OXSR1: variants seen among roughly 807,000 people sequenced by gnomAD.
OXSR1 encodes the protein serine/threonine-protein kinase OSR1.
In OXSR1, 24 loss-of-function variants were observed where a neutral mutation model predicts 79.8. The observed-to-expected ratio is 0.30, with a 90% CI of 0.22 to 0.42. The LOEUF (loss-of-function observed/expected upper bound fraction) is 0.42. Ranked by LOEUF, OXSR1 falls within the 10% of genes least tolerant of loss-of-function variation. OXSR1 has a pLI of 1.00. For missense variants in OXSR1, 430 were observed against 618.4 expected (o/e 0.70, Z 3.23); for synonymous variants, 226 against 209.2 (o/e 1.08, Z -0.69).
chr3:38,214,312 C>T (rs1424947348), intron 4 of OXSR1, among the ~76,000 whole-genome samples: 3 of 151,722 alleles, frequency 2.0e-5, no homozygotes, highest in Non-Finnish European at 4.4e-5. Flanking sequence ...TTCCTGTATA[C>T]TAATAATAAT....
intron 1 of OXSR1, among the ~76,000 whole-genome samples, chr3:38,176,714 A>G (rs560386683): frequency 6.6e-6 from 1 of 152,216 alleles, no homozygotes; most frequent in Non-Finnish European, 1.5e-5. Context: ...TATCTTGCTC[A>G]TGAGAAGATT....
intron 5 of OXSR1, among the ~76,000 whole-genome samples, chr3:38,216,692 T>G (rs1311047495): frequency 6.6e-6 from 1 of 152,136 alleles, no homozygotes; most frequent in Non-Finnish European, 1.5e-5. Context: ...CCAGAATGAC[T>G]GTACCCAGGG....
At chr3:38,252,791 A>C (rs762671693) in intron 17 of OXSR1, 26 bp from the exon 18 acceptor site, 3 of 1,574,596 alleles carry the variant, frequency 1.9e-6, no homozygotes, top group Non-Finnish European at 2.6e-6. Flanking sequence ...AAATAATCAC[A>C]GTTTCTCATT....
In OXSR1 at chr3:38,165,539, C is replaced by G; in HGVS notation, c.-338C>G. 1 of 310,156 alleles carries G rather than the reference C, an allele frequency of 3.2e-6. No individual in the cohort carries two copies. The highest frequency in any genetic ancestry group is 2.2e-5 in the African/African-American group (1 of 45,036). The allele number at this position is 310,156 out of a possible 1,614,324, so 19.2% of individuals were successfully genotyped here. ...GGTGGAGGAAGAGGGGAAAGTTTGG[C>G]CCGTGCGTGGGGCTGGGGTGGAGGG... is the stretch of plus-strand genomic sequence containing the variant. On this transcript the variant is annotated 5_prime_UTR_variant, in exon 1 of 18. Transcript: ENST00000311806.
chr3:38,247,530 T>C lies in OXSR1; in HGVS notation c.1258-138T>C, dbSNP rs1703167076. 11 of 569,246 alleles carry C rather than the reference T, an allele frequency of 1.9e-5. No homozygotes were observed. The South Asian group carries it at 2.8e-4, about 14-fold the overall frequency. The allele number at this position is 569,246 out of a possible 1,614,324, so 35.3% of individuals were successfully genotyped here. A position where few individuals can be genotyped will look rare whatever the true frequency, so the allele number is the denominator to read the frequency against. On this transcript the variant is annotated intron_variant, in intron 13 of 17. Transcript: ENST00000311806. ...GTGCATGTCCTCCTCCAGCAGGGAA[T>C]GTCCTGGGGATTAGTATGACCTCAG... is the stretch of plus-strand genomic sequence containing the variant.
chr3:38,219,960 A>G (rs1702556761), intron 5 of OXSR1, among the ~76,000 whole-genome samples: 2 of 152,070 alleles, frequency 1.3e-5, no homozygotes, highest in African/African-American at 2.4e-5. Context: ...GGTGCCTGCC[A>G]CAATGCCCAG....
chr3:38,181,575 C>T (rs1410032419), intron 1 of OXSR1, among the ~76,000 whole-genome samples: 4 of 152,118 alleles, frequency 2.6e-5, no homozygotes, highest in Admixed American at 6.5e-5. Flanking sequence ...CCAAGATGGT[C>T]GCGATCTCCT....
Position 38,175,772 on chromosome 3 carries a change from C to T in OXSR1, c.71-7231C>T, listed in dbSNP as rs1701666051. On this transcript the variant is annotated intron_variant, in intron 1 of 17. Coordinates refer to ENST00000311806, the MANE Select transcript of OXSR1 (RefSeq NM_005109.3). ...CATATTTTCTGCACATTAATTTATTCTGCTGTGTGACGTAGGCTAACGTTG... is the reference window on the plus strand; with the variant it reads ...CATATTTTCTGCACATTAATTTATTTTGCTGTGTGACGTAGGCTAACGTTG... Among the ~76,000 whole-genome samples the T allele has an allele frequency of 2.0e-5, 3 of 152,198 alleles. No individual in the cohort carries two copies. In the South Asian group the frequency reaches 6.2e-4, roughly 32 times the overall value.
In OXSR1 at chr3:38,188,038, T is replaced by C. The variant is rs9654054; in HGVS notation, c.184-2693T>C. ...ACTGGTAGTTAAGGTACAAGAAGATTCCCCCTTCCCCCTTTAAAGGAATAG... is the reference window on the plus strand; with the variant it reads ...ACTGGTAGTTAAGGTACAAGAAGATCCCCCCTTCCCCCTTTAAAGGAATAG... On this transcript the variant is annotated intron_variant, in intron 2 of 17. Transcript: ENST00000311806. Among the ~76,000 whole-genome samples the C allele has an allele frequency of 6.5e-3, 996 of 152,172 alleles. 10 individuals are homozygous for C. Among genetic ancestry groups the C allele is most frequent in the African/African-American group, 0.023 (960 of 41,520 alleles).
Position 38,240,953 on chromosome 3 carries a change from A to C in OXSR1, c.1075-1790A>C, listed in dbSNP as rs1174236495. ...TATGGACGAGTGTTGGAGATGGAAA[A>C]TCATCATTTTACAATCATCGTCGCA... is the stretch of plus-strand genomic sequence containing the variant. On this transcript the variant is annotated intron_variant, in intron 11 of 17. Transcript: ENST00000311806. Among the ~76,000 whole-genome samples the C allele has an allele frequency of 3.3e-5, 5 of 152,284 alleles. No homozygotes were observed. In the East Asian group the frequency reaches 9.6e-4, roughly 29 times the overall value.
intron 10 of OXSR1, among the ~76,000 whole-genome samples, chr3:38,232,543 T>C (rs1702833102): frequency 6.6e-6 from 1 of 152,008 alleles, no homozygotes; most frequent in African/African-American, 2.4e-5. Flanking sequence ...TTGCTTGAGC[T>C]CAGGAGTTCA....
chr3:38,169,109 T>C (rs952166255), intron 1 of OXSR1, among the ~76,000 whole-genome samples: 10 of 152,224 alleles, frequency 6.6e-5, no homozygotes, highest in African/African-American at 2.2e-4. Flanking sequence ...CTAAATTTGT[T>C]GTCTTTTTGC....
At chr3:38,200,173 T>TC (rs1702138490) in intron 4 of OXSR1, among the ~76,000 whole-genome samples, 1 of 152,168 alleles carries the variant, frequency 6.6e-6, no homozygotes, top group Non-Finnish European at 1.5e-5. Flanking sequence ...CTCCTGCAAC[T>TC]CCAAGTATGG....
At chr3:38,174,583 AAAAC>A (rs754279980) in intron 1 of OXSR1, among the ~76,000 whole-genome samples, 32 of 152,196 alleles carry the variant, frequency 2.1e-4, no homozygotes, top group Non-Finnish European at 8.8e-5. Flanking sequence ...CACTGTCTCA[AAAAC>A]AAACAAACAA....
chr3:38,194,572 TAGCC>T (rs1193964839), intron 3 of OXSR1, among the ~76,000 whole-genome samples: 3 of 152,068 alleles, frequency 2.0e-5, no homozygotes, highest in African/African-American at 7.2e-5. Flanking sequence ...GAATAATAAT[TAGCC>T]AGGTGAAATG....
At chr3:38,221,144 G>A (rs756590826) in intron 5 of OXSR1, among the ~76,000 whole-genome samples, 4 of 152,154 alleles carry the variant, frequency 2.6e-5, no homozygotes, top group Non-Finnish European at 5.9e-5. Flanking sequence ...CCATGTCAAA[G>A]TGATAATTTA....
intron 4 of OXSR1, among the ~76,000 whole-genome samples, chr3:38,215,703 C>T (rs560261682): frequency 5.9e-5 from 9 of 152,180 alleles, no homozygotes; most frequent in Admixed American, 3.3e-4. Flanking sequence ...TAATTTCCAT[C>T]TTTTTGTTAC....
At chr3:38,183,288 A>T (rs919209774) in intron 2 of OXSR1, among the ~76,000 whole-genome samples, 173 bp downstream of exon 2, 7 of 152,258 alleles carry the variant, frequency 4.6e-5, no homozygotes, top group Non-Finnish European at 7.3e-5. Context: ...GAAAAAAATT[A>T]GTTATAATAT....
rs115462258 is a variant in OXSR1, at chr3:38,169,926, C to T, written c.70+3980C>T. On this transcript the variant is annotated intron_variant, in intron 1 of 17. Coordinates refer to ENST00000311806, the MANE Select transcript of OXSR1 (RefSeq NM_005109.3). ...TGTGTTTTTTGTAGAAACTGGGTTT[C>T]GCCACATTTCCCAGGATGGTCTCAA... 3.0e-3 allele frequency among the ~76,000 whole-genome samples: 450 copies of T among 151,860 alleles called. 1 individual carries two copies. Among genetic ancestry groups the T allele is most frequent in the African/African-American group, 0.01 (430 of 41,414 alleles).
Sources: allele counts gnomAD v4.1 joint callset (sites outside exome capture counted in the v4.1 genomes callset), GRCh38; gene constraint gnomAD v4.1.1; transcripts MANE v1.5; gene names NCBI Gene and HGNC (gene_info 2026-07-23, HGNC 2026-07-21).